PCDHA2: variants seen among roughly 807,000 people sequenced by gnomAD.
PCDHA2 encodes the protein protocadherin alpha 2, also known as protocadherin alpha-2.
In PCDHA2, 58 loss-of-function variants were observed where a neutral mutation model predicts 66.0. The ratio of observed to expected loss-of-function variants is 0.88; its 90% CI spans 0.71 to 1.09. The LOEUF (loss-of-function observed/expected upper bound fraction) is 1.09. Ranked by LOEUF, PCDHA2 falls within the 50% of genes least tolerant of loss-of-function variation. The pLI is 0.00. For missense variants in PCDHA2, 1,267 were observed against 1,242.3 expected, an observed-to-expected ratio of 1.02 and a Z score of -0.30; for synonymous variants, 634 against 554.0, an observed-to-expected ratio of 1.14 and a Z score of -2.03.
intron 1 of PCDHA2, chr5:140,841,357 G>T: frequency 6.2e-7 from 1 of 1,613,058 alleles, no homozygotes; most frequent in Non-Finnish European, 8.5e-7. Flanking sequence ...TGGGATCCTG[G>T]CGACTACTAC....
chr5:140,867,119 A>C (rs2049767402), intron 1 of PCDHA2: 1 of 152,142 alleles, frequency 6.6e-6, no homozygotes, highest in Admixed American at 6.5e-5. Context: ...ATATTGTTTT[A>C]ATTCAAATAT....
rs144556236 is a variant in PCDHA2, at chr5:140,796,467, G to C, written c.1503G>C (p.Glu501Asp). 6.8e-6 allele frequency: 11 copies of C among 1,612,242 alleles called. No homozygotes were observed. In the South Asian group the frequency reaches 9.9e-5, roughly 14 times the overall value. The change falls in exon 1 of 4, where the codon GAG becomes GAC. Residue 501 changes from glutamate (E) to aspartate (D), a missense_variant. Physicochemically the swap from Glu to Asp is conservative, Grantham distance 45. Transcript: ENST00000526136. ...CGCTGGTGGAGCGGCGGGTGGGCGA[G>C]CGCGCGTTGTCGAGCTACGTTTCGG... is the stretch of plus-strand genomic sequence containing the variant. ...SYSLVERRVG[E>D]RALSSYVSVH...
At chr5:140,867,409 T>C (rs1299874634) in intron 1 of PCDHA2, 1 of 152,170 alleles carries the variant, frequency 6.6e-6, no homozygotes, top group Admixed American at 6.5e-5. Context: ...ATGTCTCCTT[T>C]AATTTTTTAA....
chr5:140,909,117 G>T lies in PCDHA2; in HGVS notation c.2389-69832G>T, dbSNP rs576916273. Among the ~76,000 whole-genome samples the T allele has an allele frequency of 1.1e-4, 16 of 152,272 alleles. No homozygotes were observed. The South Asian group carries it at 3.1e-3, about 30-fold the overall frequency. On this transcript the variant is annotated intron_variant, in intron 1 of 3. Transcript: ENST00000526136. ...ACTCACTGGGTCCAATCAGCAAAAT[G>T]TCATCAAGGTAATGAACCAGTGTGA...
chr5:140,929,174 G>C, intron 1 of PCDHA2: 1 of 1,614,140 alleles, frequency 6.2e-7, no homozygotes, highest in South Asian at 1.1e-5. Flanking sequence ...GCCTCTCTGG[G>C]ACTTGGTTCT....
chr5:140,825,611 G>C (rs1431448877), intron 1 of PCDHA2: 6 of 151,560 alleles, frequency 4.0e-5, no homozygotes, highest in African/African-American at 1.5e-4. Flanking sequence ...TACTAGAGAC[G>C]GGGTTTCACC....
At position 140,795,675 on chromosome 5, in the gene PCDHA2, C is replaced by G; in HGVS notation, c.711C>G (p.Asp237Glu). 1 of 1,614,078 alleles carries G rather than the reference C, an allele frequency of 6.2e-7. No individual in the cohort carries two copies. Among genetic ancestry groups the G allele is most frequent in the Non-Finnish European group, 8.5e-7 (1 of 1,179,994 alleles). ...TTATTAAGGTATTAGATGTAAATGA[C>G]AATGAACCAACTTTTGCCCAATCAG... ...QILIKVLDVN[D>E]NEPTFAQSVY... is the part of the protein sequence containing the mutation. The change falls in exon 1 of 4, where the codon GAC becomes GAG. Residue 237 changes from aspartate (D) to glutamate (E), a missense_variant. Transcript: ENST00000526136.
Position 140,872,869 on chromosome 5 carries a change from T to G in PCDHA2, c.2388+75517T>G, listed in dbSNP as rs192241401. On this transcript the variant is annotated intron_variant, in intron 1 of 3. Coordinates refer to ENST00000526136, the MANE Select transcript of PCDHA2 (RefSeq NM_018905.3). ...ATTAATGTGAGTACCTACTGACAAT[T>G]ATCAGTTTCATTCATCTCACTTTGT... is the stretch of plus-strand genomic sequence containing the variant. 4.6e-5 allele frequency among the ~76,000 whole-genome samples: 7 copies of G among 152,364 alleles called. No individual in the cohort carries two copies. In the East Asian group the frequency reaches 1.3e-3, roughly 29 times the overall value.
chr5:140,884,439 C>G (rs1554181562), intron 1 of PCDHA2: 2 of 1,613,818 alleles, frequency 1.2e-6, no homozygotes, highest in East Asian at 2.2e-5. Context: ...CTGCGGTGCT[C>G]GGCACCGCCC....
chr5:141,012,183 A>G lies in PCDHA2; in HGVS notation c.*2246A>G, dbSNP rs1554263839. The stretch of plus-strand genomic sequence containing the variant: ...TAATTTATTAATGATGATAATTATA[A>G]TGTATCTGTACAGCACTTTTTACAT... On this transcript the variant is annotated 3_prime_UTR_variant, in exon 4 of 4. Coordinates refer to ENST00000526136, the MANE Select transcript of PCDHA2 (RefSeq NM_018905.3). The G allele has an allele frequency of 6.5e-6, 1 of 153,782 alleles. No homozygotes were observed. Among genetic ancestry groups the G allele is most frequent in the Admixed American group, 6.5e-5 (1 of 15,280 alleles). 9.5% of individuals were successfully genotyped at this position (153,782 alleles called of 1,614,324 possible). A position where few individuals can be genotyped will look rare whatever the true frequency, so the allele number is the denominator to read the frequency against.
At chr5:140,807,350 G>A (rs1279167584) in intron 1 of PCDHA2, 1 of 1,612,304 alleles carries the variant, frequency 6.2e-7, no homozygotes. Context: ...CCTGGGACTG[G>A]AGCTGGCGGA....
At chr5:140,973,980 A>G (rs1554235707) in intron 1 of PCDHA2, among the ~76,000 whole-genome samples, 1 of 152,248 alleles carries the variant, frequency 6.6e-6, no homozygotes, top group African/African-American at 2.4e-5. Flanking sequence ...TGGCTTTTAC[A>G]GAACTTCACC....
chr5:140,843,653 C>T lies in PCDHA2; in HGVS notation c.2388+46301C>T, dbSNP rs2150364582. On this transcript the variant is annotated intron_variant, in intron 1 of 3. Coordinates refer to ENST00000526136, the MANE Select transcript of PCDHA2 (RefSeq NM_018905.3). ...CATGGCCTTCAGCCCCTGCCTTCCT[C>T]CTGATCTGGGATCAGTTGATGTAGG... is the stretch of plus-strand genomic sequence containing the variant. 2.4e-5 allele frequency: 38 copies of T among 1,595,020 alleles called. 6 individuals carry two copies. The highest frequency in any genetic ancestry group is 3.0e-5 in the Non-Finnish European group (35 of 1,164,614).
chr5:140,920,612 G>A (rs1389841013), intron 1 of PCDHA2, among the ~76,000 whole-genome samples: 3 of 152,092 alleles, frequency 2.0e-5, no homozygotes, highest in Non-Finnish European at 2.9e-5. Flanking sequence ...TTGGGAGGCC[G>A]AGGCGGATGG....
At chr5:140,867,399 A>C (rs1001723593) in intron 1 of PCDHA2, 2 of 152,166 alleles carry the variant, frequency 1.3e-5, no homozygotes, top group African/African-American at 4.8e-5. Flanking sequence ...AAAAGTTGAT[A>C]TGTCTCCTTT....
intron 1 of PCDHA2, chr5:140,858,620 C>T (rs570456010): frequency 8.8e-7 from 1 of 1,142,316 alleles, no homozygotes; most frequent in Non-Finnish European, 1.2e-6. Context: ...TTATCCTACC[C>T]AGTGTGTCAG....
intron 1 of PCDHA2, chr5:140,807,952 T>C: frequency 6.2e-7 from 1 of 1,614,140 alleles, no homozygotes; most frequent in South Asian, 1.1e-5. Flanking sequence ...TAGAAAATGT[T>C]CCTAATGGAA....
At chr5:140,869,920 G>A (rs1554163605) in intron 1 of PCDHA2, 2 of 1,611,398 alleles carry the variant, frequency 1.2e-6, no homozygotes, top group Non-Finnish European at 1.7e-6. Flanking sequence ...AGACGAAGGA[G>A]TCAATGGAGA....
intron 1 of PCDHA2, chr5:140,805,485 G>A (rs1009202015): frequency 3.5e-5 from 35 of 993,802 alleles, no homozygotes; most frequent in South Asian, 1.9e-4. Context: ...GAGAGGGAGC[G>A]TAAAGCTATT....
Sources: gnomAD v4.1 joint callset for allele counts (sites outside exome capture counted in the v4.1 genomes callset) on GRCh38, gnomAD v4.1.1 for gene constraint, MANE v1.5 for transcripts, NCBI Gene and HGNC (gene_info 2026-07-23, HGNC 2026-07-21) for gene names.